The following PLEKHA6 variants were observed in gnomAD, a reference collection of about 807,000 sequenced individuals.
The protein encoded by PLEKHA6 is pleckstrin homology domain containing A6, also known as pleckstrin homology domain-containing family A member 6.
In PLEKHA6, 60 loss-of-function variants were observed where a neutral mutation model predicts 116.7. The observed-to-expected ratio is 0.51, with a 90% CI of 0.42 to 0.64. The LOEUF (loss-of-function observed/expected upper bound fraction) is 0.64, where lower values mean the gene tolerates loss of function less well. Among genes scored for constraint, PLEKHA6 ranks in the 30% least tolerant of loss-of-function variants. The pLI is 0.00. For missense variants in PLEKHA6, 1,338 were observed against 1,422.7 expected (o/e 0.94, Z 0.96); for synonymous variants, 489 against 556.1 (o/e 0.88, Z 1.70).
intron 10 of PLEKHA6, 61 bp downstream of exon 10, chr1:204,250,485 C>T (rs1664393572): frequency 8.7e-7 from 1 of 1,154,046 alleles, no homozygotes; most frequent in African/African-American, 1.5e-5. Context: ...AGACAGCCCC[C>T]CGCAGAGGAC....
intron 18 of PLEKHA6, 81 bp downstream of exon 18, chr1:204,230,332 G>C: frequency 8.4e-7 from 1 of 1,192,542 alleles, no homozygotes; most frequent in African/African-American, 1.6e-5. Flanking sequence ...AACCCCCCAG[G>C]CCCAAGCTGG....
intron 9 of PLEKHA6, among the ~76,000 whole-genome samples, chr1:204,252,726 C>A (rs147026991): frequency 2.0e-5 from 3 of 152,330 alleles, no homozygotes; most frequent in Non-Finnish European, 4.4e-5. Flanking sequence ...TACAGCCTTG[C>A]TTCTACATGT....
chr1:204,235,848 TG>T (rs938532462), intron 17 of PLEKHA6, among the ~76,000 whole-genome samples: 5 of 152,168 alleles, frequency 3.3e-5, no homozygotes, highest in African/African-American at 1.2e-4. Flanking sequence ...TTTCCACCTT[TG>T]TCTGAGAAGG....
intron 1 of PLEKHA6, among the ~76,000 whole-genome samples, chr1:204,288,497 A>G (rs1669426936): frequency 6.6e-6 from 1 of 152,190 alleles, no homozygotes; most frequent in East Asian, 1.9e-4. Context: ...ACATTATGAA[A>G]TATTTGCCTG....
At chr1:204,358,788 C>T (rs952110755) in intron 1 of PLEKHA6, among the ~76,000 whole-genome samples, 8 of 152,170 alleles carry the variant, frequency 5.3e-5, no homozygotes, top group Admixed American at 3.9e-4. Context: ...CCCTCTATCC[C>T]GGTTCTCCAT....
chr1:204,301,801 G>A (rs888602331), intron 1 of PLEKHA6, among the ~76,000 whole-genome samples: 25 of 152,180 alleles, frequency 1.6e-4, no homozygotes, highest in Admixed American at 9.2e-4. Flanking sequence ...TGGGAAACCA[G>A]CCCTGGTCAG....
At chr1:204,318,344 C>A (rs761210751) in intron 1 of PLEKHA6, among the ~76,000 whole-genome samples, 7 of 152,152 alleles carry the variant, frequency 4.6e-5, no homozygotes, top group Non-Finnish European at 1.0e-4. Context: ...ACTATTATTA[C>A]CCCTGCTGTA....
At chr1:204,243,220 G>A in intron 15 of PLEKHA6, 1 of 399,468 alleles carries the variant, frequency 2.5e-6, no homozygotes, top group East Asian at 3.6e-5. Context: ...AGACTCCAGG[G>A]GGACGTAGGC....
chr1:204,238,642 T>C lies in PLEKHA6; in HGVS notation c.2409+2733A>G, dbSNP rs2102524585. Among the ~76,000 whole-genome samples the C allele has an allele frequency of 6.6e-6, 1 of 152,316 alleles. No individual in the cohort carries two copies. Among genetic ancestry groups the C allele is most frequent in the Admixed American group, 6.5e-5 (1 of 15,308 alleles). The stretch of plus-strand genomic sequence containing the variant: ...CATGAGGAAGTGGCTCAAATGCCCA[T>C]GGCCTCCACTCCTGCCACCATGCCT... On this transcript the variant is annotated intron_variant, in intron 17 of 22. Coordinates refer to ENST00000272203, the MANE Select transcript of PLEKHA6 (RefSeq NM_014935.5). This position sits in a 1 kb window ranked among gnomAD's most constrained non-coding sequence, Gnocchi z 4.2.
At chr1:204,255,695 G>A (rs1665187644) in intron 9 of PLEKHA6, 1 of 702,838 alleles carries the variant, frequency 1.4e-6, no homozygotes, top group Admixed American at 2.0e-5. Context: ...CGGAGCCCGA[G>A]GCCCAGAGGC....
chr1:204,327,232 C>T (rs1672274351), intron 1 of PLEKHA6, among the ~76,000 whole-genome samples: 1 of 152,216 alleles, frequency 6.6e-6, no homozygotes, highest in African/African-American at 2.4e-5. Context: ...TCGTTTAATG[C>T]CCAAGAAAGC....
At chr1:204,258,585 C>T (rs923095978) in intron 8 of PLEKHA6, among the ~76,000 whole-genome samples, 1 of 152,230 alleles carries the variant, frequency 6.6e-6, no homozygotes, top group African/African-American at 2.4e-5. Context: ...CCTCCCGGGC[C>T]CCATGGCCTT....
At chr1:204,224,914 G>T (rs1242137382) in intron 21 of PLEKHA6, among the ~76,000 whole-genome samples, 1 of 152,198 alleles carries the variant, frequency 6.6e-6, no homozygotes, top group East Asian at 1.9e-4. Flanking sequence ...TCTCCAGGAA[G>T]CCAACATAGA....
At chr1:204,357,840 C>T (rs2103384021) in intron 1 of PLEKHA6, among the ~76,000 whole-genome samples, 1 of 152,368 alleles carries the variant, frequency 6.6e-6, no homozygotes, top group Non-Finnish European at 1.5e-5. Flanking sequence ...GAGCCCGAGG[C>T]TGCAGGCTGG....
At chr1:204,337,583 T>C (rs1672693767) in intron 1 of PLEKHA6, among the ~76,000 whole-genome samples, 1 of 152,156 alleles carries the variant, frequency 6.6e-6, no homozygotes. Flanking sequence ...GAATTAATTT[T>C]AAAGGAGCAA....
intron 1 of PLEKHA6, among the ~76,000 whole-genome samples, chr1:204,341,504 C>A (rs575478830): frequency 6.6e-6 from 1 of 152,210 alleles, no homozygotes; most frequent in Admixed American, 6.5e-5. Flanking sequence ...ATAACCAGTT[C>A]ATCTGATTGC....
intron 17 of PLEKHA6, among the ~76,000 whole-genome samples, chr1:204,233,619 T>C (rs990859727): frequency 2.6e-5 from 4 of 152,146 alleles, no homozygotes; most frequent in Non-Finnish European, 5.9e-5. Flanking sequence ...TGGCTAATTT[T>C]TAATTTTTTT....
rs1317818735 is a variant in PLEKHA6 at position 204,221,771 on chromosome 1, G to A, written c.*1017C>T. On this transcript the variant is annotated 3_prime_UTR_variant, in exon 23 of 23. Coordinates refer to ENST00000272203, the MANE Select transcript of PLEKHA6 (RefSeq NM_014935.5). ...CAGACCTACTAACAGCCATCTCCCA[G>A]GCAGTCGCTACTCAACCCCCTTCAC... is the stretch of plus-strand genomic sequence containing the variant. The A allele has an allele frequency of 6.5e-6, 1 of 153,044 alleles. No individual in the cohort carries two copies. The highest frequency in any genetic ancestry group is 2.4e-5 in the African/African-American group (1 of 41,434). The allele number at this position is 153,044 out of a possible 1,614,324, so 9.5% of individuals were successfully genotyped here.
intron 1 of PLEKHA6, among the ~76,000 whole-genome samples, chr1:204,288,588 A>G (rs923910930): frequency 6.6e-6 from 1 of 152,212 alleles, no homozygotes. Flanking sequence ...AGACAAAGAT[A>G]GTCACAGCAT....
Sources: allele counts gnomAD v4.1 joint callset (sites outside exome capture counted in the v4.1 genomes callset), GRCh38; gene constraint gnomAD v4.1.1; non-coding constraint Gnocchi (gnomAD v3.1); transcripts MANE v1.5; gene names NCBI Gene and HGNC (gene_info 2026-07-23, HGNC 2026-07-21).